The following PCSK2 variants were observed in gnomAD, a reference collection of about 807,000 sequenced individuals.
PCSK2 encodes the protein neuroendocrine convertase 2.
In PCSK2, 14 loss-of-function variants were observed where a neutral mutation model predicts 69.7. The observed-to-expected ratio is 0.20, with a 90% CI of 0.13 to 0.31. The LOEUF is 0.31. PCSK2 is among the 10% of genes least tolerant of loss of function. PCSK2 has a pLI of 1.00. For missense variants in PCSK2, 544 were observed against 842.5 expected, an observed-to-expected ratio of 0.65 and a Z score of 4.39; for synonymous variants, 307 against 320.7, an observed-to-expected ratio of 0.96 and a Z score of 0.46.
At chr20:17,304,153 A>G (rs1483807770) in intron 2 of PCSK2, among the ~76,000 whole-genome samples, 1 of 152,066 alleles carries the variant, frequency 6.6e-6, no homozygotes, top group Non-Finnish European at 1.5e-5. Context: ...GTGGTTTTGG[A>G]GAATTAATGA....
At chr20:17,443,639 G>A (rs1406092871) in intron 8 of PCSK2, among the ~76,000 whole-genome samples, 1 of 152,184 alleles carries the variant, frequency 6.6e-6, no homozygotes, top group Non-Finnish European at 1.5e-5. Context: ...TGTCCAGACT[G>A]ACAGTGCAGA....
intron 2 of PCSK2, among the ~76,000 whole-genome samples, chr20:17,299,227 T>G (rs559240697): frequency 6.6e-6 from 1 of 152,306 alleles, no homozygotes; most frequent in South Asian, 2.1e-4. Context: ...TTTTGGTGTT[T>G]GAAAATACCC....
chr20:17,396,838 C>A (rs1406086070), intron 5 of PCSK2, among the ~76,000 whole-genome samples: 1 of 152,082 alleles, frequency 6.6e-6, no homozygotes, highest in African/African-American at 2.4e-5. Flanking sequence ...CAGGCTGAGT[C>A]AAGGTCAGTT....
At chr20:17,269,447 T>A (rs1408006524) in intron 2 of PCSK2, among the ~76,000 whole-genome samples, 2 of 152,164 alleles carry the variant, frequency 1.3e-5, no homozygotes, top group African/African-American at 4.8e-5. Flanking sequence ...CTCGTCTACA[T>A]TTTACCATAG....
chr20:17,293,224 G>C (rs1479525900), intron 2 of PCSK2, among the ~76,000 whole-genome samples: 2 of 152,030 alleles, frequency 1.3e-5, no homozygotes, highest in Non-Finnish European at 2.9e-5. Flanking sequence ...ATTAATTAAG[G>C]CACCTATAAA....
intron 5 of PCSK2, among the ~76,000 whole-genome samples, chr20:17,375,389 A>G (rs1348745149): frequency 6.6e-6 from 1 of 152,154 alleles, no homozygotes; most frequent in African/African-American, 2.4e-5. Flanking sequence ...GAAAAACAAC[A>G]TCCAAGAAAA....
rs78169661 is a variant in PCSK2, at chr20:17,426,795, G to A, written c.621-2640G>A. ...GTCTATTTAAACCTTCAAGTGATTG[G>A]ATGAGGCCCACGCACATTATGGAGG... On this transcript the variant is annotated intron_variant, in intron 6 of 11. Transcript: ENST00000262545. Among the ~76,000 whole-genome samples, 590 of 152,312 alleles carry A rather than the reference G, an allele frequency of 3.9e-3. 5 individuals are homozygous for A. Among genetic ancestry groups the A allele is most frequent in the African/African-American group, 0.014 (578 of 41,566 alleles).
At chr20:17,431,454 T>G (rs1298143599) in intron 7 of PCSK2, among the ~76,000 whole-genome samples, 2 of 152,222 alleles carry the variant, frequency 1.3e-5, no homozygotes, top group Admixed American at 6.5e-5. Flanking sequence ...GCCTGCTGAA[T>G]GCAGCCTGAC....
At chr20:17,323,325 C>T (rs918266711) in intron 2 of PCSK2, among the ~76,000 whole-genome samples, 17 of 152,194 alleles carry the variant, frequency 1.1e-4, no homozygotes, top group Non-Finnish European at 2.2e-4. Context: ...AGGGAGAAGA[C>T]AGCCATCTGC....
intron 2 of PCSK2, among the ~76,000 whole-genome samples, chr20:17,304,999 C>T (rs1022880502): frequency 2.0e-5 from 3 of 152,218 alleles, no homozygotes; most frequent in East Asian, 1.9e-4. Flanking sequence ...CTTTCAATCT[C>T]ATTTCACAAG....
At chr20:17,347,373 C>G (rs1990678492) in intron 2 of PCSK2, among the ~76,000 whole-genome samples, 1 of 152,164 alleles carries the variant, frequency 6.6e-6, no homozygotes, top group African/African-American at 2.4e-5. Context: ...ATCTCGACAA[C>G]CAAAGCCAGC....
chr20:17,386,486 A>C (rs1036600652), intron 5 of PCSK2, among the ~76,000 whole-genome samples: 4 of 152,222 alleles, frequency 2.6e-5, no homozygotes, highest in Non-Finnish European at 4.4e-5. Context: ...TGTTACTTGC[A>C]GCAACAGGGA....
intron 10 of PCSK2, among the ~76,000 whole-genome samples, chr20:17,461,978 C>T (rs1303538859): frequency 1.3e-5 from 2 of 152,212 alleles, no homozygotes; most frequent in East Asian, 3.8e-4. Flanking sequence ...GTCTGCTGGT[C>T]AGCCACTTCC....
chr20:17,462,363 A>G (rs1215721901), intron 10 of PCSK2, among the ~76,000 whole-genome samples: 2 of 152,218 alleles, frequency 1.3e-5, no homozygotes, highest in African/African-American at 2.4e-5. Context: ...ACATCACTGT[A>G]CAGAAGAATC....
chr20:17,351,724 C>A (rs1339588261), intron 2 of PCSK2, among the ~76,000 whole-genome samples: 1 of 152,124 alleles, frequency 6.6e-6, no homozygotes, highest in Admixed American at 6.5e-5. Flanking sequence ...CCAGCTATGA[C>A]AAACCCATAG....
chr20:17,440,832 A>C (rs1305656306), intron 8 of PCSK2, among the ~76,000 whole-genome samples: 1 of 150,796 alleles, frequency 6.6e-6, no homozygotes, highest in Non-Finnish European at 1.5e-5. Flanking sequence ...ATTGCACTCC[A>C]GTCTGGGCAT....
At chr20:17,281,285 C>T (rs962638194) in intron 2 of PCSK2, among the ~76,000 whole-genome samples, 5 of 152,216 alleles carry the variant, frequency 3.3e-5, no homozygotes, top group African/African-American at 1.2e-4. Context: ...TAACTTCAGC[C>T]TTCCTGGAAC....
chr20:17,459,162 A>G lies in PCSK2; in HGVS notation c.1202+2714A>G, dbSNP rs544627059. Among the ~76,000 whole-genome samples the G allele has an allele frequency of 2.6e-3, 390 of 152,342 alleles. 7 individuals carry two copies. The highest frequency in any genetic ancestry group is 3.1e-3 in the South Asian group (15 of 4,816). ...AAAGAAATTCATTAGGTGTGGCTCCATGACATTTTAACTAAATGAACAGAC... is the reference window on the plus strand; with the variant it reads ...AAAGAAATTCATTAGGTGTGGCTCCGTGACATTTTAACTAAATGAACAGAC... On this transcript the variant is annotated intron_variant, in intron 10 of 11. Transcript: ENST00000262545.
At chr20:17,296,361 T>C (rs976341535) in intron 2 of PCSK2, among the ~76,000 whole-genome samples, 2 of 152,220 alleles carry the variant, frequency 1.3e-5, no homozygotes, top group Admixed American at 6.5e-5. Flanking sequence ...GTTGTTCTTA[T>C]CTAAAATTAT....
Sources: allele counts gnomAD v4.1 joint callset (sites outside exome capture counted in the v4.1 genomes callset), GRCh38; gene constraint gnomAD v4.1.1; transcripts MANE v1.5; gene names NCBI Gene and HGNC (gene_info 2026-07-23, HGNC 2026-07-21).